INPP5A: variants seen among roughly 807,000 people sequenced by gnomAD.
The protein encoded by INPP5A is 43 kDa inositol polyphosphate 5-phophatase.
A neutral mutation model predicts 65.2 loss-of-function variants in INPP5A; 14 were observed. That is an observed-to-expected ratio of 0.21 (90% CI 0.14 to 0.34). The LOEUF (loss-of-function observed/expected upper bound fraction) is 0.34, where lower values mean the gene tolerates loss of function less well. Ranked by LOEUF, INPP5A falls within the 10% of genes least tolerant of loss-of-function variation. The pLI is 1.00. For missense variants in INPP5A, 431 were observed against 545.6 expected (o/e 0.79, Z 2.09); for synonymous variants, 207 against 208.3 (o/e 0.99, Z 0.05).
chr10:132,692,578 T>G lies in INPP5A; in HGVS notation c.370+2123T>G, dbSNP rs546595609. Among the ~76,000 whole-genome samples, 3 of 152,324 alleles carry G rather than the reference T, an allele frequency of 2.0e-5. No homozygotes were observed. The East Asian group carries it at 5.8e-4, about 29-fold the overall frequency. On this transcript the variant is annotated intron_variant, in intron 5 of 15. Transcript: ENST00000368594. ...TCCTTATAGGCGAGGTGATTCCTTATCTGTAAAGGAACAAGGATAACAATT... is the reference window on the plus strand; with the variant it reads ...TCCTTATAGGCGAGGTGATTCCTTAGCTGTAAAGGAACAAGGATAACAATT...
chr10:132,649,756 C>T (rs9663315), intron 3 of INPP5A, among the ~76,000 whole-genome samples: 8,245 of 152,236 alleles, frequency 0.054, 299 homozygotes, highest in South Asian at 0.12. Flanking sequence ...CCTCGTCCTC[C>T]GTTCATGGGC....
chr10:132,755,229 G>T (rs1008729208), intron 11 of INPP5A, among the ~76,000 whole-genome samples: 1 of 151,968 alleles, frequency 6.6e-6, no homozygotes, highest in African/African-American at 2.4e-5. Context: ...GTGTGAGCAG[G>T]CGTGTACATG....
intron 8 of INPP5A, among the ~76,000 whole-genome samples, chr10:132,714,761 C>A (rs1488825612): frequency 1.3e-5 from 2 of 152,236 alleles, no homozygotes; most frequent in Non-Finnish European, 2.9e-5. Context: ...TTAAAGTCTT[C>A]AGAAGCAGCC....
chr10:132,780,942 C>T, intron 14 of INPP5A, 25 bp downstream of exon 14: 1 of 1,592,638 alleles, frequency 6.3e-7, no homozygotes. Context: ...GGTCCAGGGG[C>T]CAGGCTGGGG....
At chr10:132,775,982 T>A (rs772423331) in intron 12 of INPP5A, among the ~76,000 whole-genome samples, 3 of 149,816 alleles carry the variant, frequency 2.0e-5, no homozygotes, top group Non-Finnish European at 3.0e-5. Flanking sequence ...AGTGGACGTG[T>A]GTGCGGATGC....
At chr10:132,554,422 G>T (rs1470419278) in intron 1 of INPP5A, among the ~76,000 whole-genome samples, 2 of 152,170 alleles carry the variant, frequency 1.3e-5, no homozygotes, top group Non-Finnish European at 2.9e-5. Context: ...GGTTCTGAGG[G>T]CTTCAGAGGA....
intron 9 of INPP5A, among the ~76,000 whole-genome samples, chr10:132,728,810 G>T (rs1003168531): frequency 2.0e-5 from 3 of 152,236 alleles, no homozygotes; most frequent in Non-Finnish European, 4.4e-5. Flanking sequence ...GGTGAGGCAC[G>T]CACTGGAGCA....
At chr10:132,567,272 C>G (rs937140554) in intron 1 of INPP5A, among the ~76,000 whole-genome samples, 1 of 152,224 alleles carries the variant, frequency 6.6e-6, no homozygotes, top group Admixed American at 6.5e-5. Context: ...ACCCAAACAA[C>G]CAAAACAAAA....
rs1023675721 is a variant in INPP5A, at chr10:132,549,452, A to G, written c.75+11281A>G. Among the ~76,000 whole-genome samples the G allele has an allele frequency of 9.2e-5, 14 of 152,216 alleles. No homozygotes were observed. The highest frequency in any genetic ancestry group is 2.0e-4 in the Admixed American group (3 of 15,286). ...AACTTGCATTTCTGGTCCTACTTCC[A>G]AATAATAATTCCCCACAAGGATGGT... is the stretch of plus-strand genomic sequence containing the variant. On this transcript the variant is annotated intron_variant, in intron 1 of 15. Transcript: ENST00000368594. The surrounding 1 kb of genome is among the most constrained non-coding windows in gnomAD (Gnocchi z 4.9).
At chr10:132,665,025 C>T (rs768828297) in intron 4 of INPP5A, among the ~76,000 whole-genome samples, 12 of 152,200 alleles carry the variant, frequency 7.9e-5, no homozygotes, top group Non-Finnish European at 4.4e-5. Context: ...TTCCTGAAGT[C>T]GTGGCCTGGC....
Position 132,780,923 on chromosome 10 carries a change from AT to A in INPP5A, c.1158+7del, listed in dbSNP as rs371748810. 107 of 1,445,076 alleles carry A rather than the reference AT, an allele frequency of 7.4e-5. No homozygotes were observed. In the African/African-American group the frequency reaches 1.5e-3, roughly 21 times the overall value. The allele number at this position is 1,445,076 out of a possible 1,614,324, so 89.5% of individuals were successfully genotyped here. ...TCTGCATGGGAGACCACAAGGTGACATAGACTGAGGTCCAGGGGCCAGGCTG... is the reference window on the plus strand; with the variant it reads ...TCTGCATGGGAGACCACAAGGTGACAAGACTGAGGTCCAGGGGCCAGGCTG... On this transcript the variant is annotated splice_region_variant and intron_variant, in intron 14 of 15. Coordinates refer to ENST00000368594, the MANE Select transcript of INPP5A (RefSeq NM_005539.5).
Position 132,698,822 on chromosome 10 carries a change from GA to G in INPP5A, c.474+904del, listed in dbSNP as rs1564970205. 6.6e-6 allele frequency among the ~76,000 whole-genome samples: 1 copy of G among 152,246 alleles called. No individual in the cohort carries two copies. The highest frequency in any genetic ancestry group is 1.5e-5 in the Non-Finnish European group (1 of 68,050). On this transcript the variant is annotated intron_variant, in intron 6 of 15. Coordinates refer to ENST00000368594, the MANE Select transcript of INPP5A (RefSeq NM_005539.5). The surrounding 1 kb of genome is among the most constrained non-coding windows in gnomAD (Gnocchi z 5.5). Reference sequence around the variant, plus strand: ...TTGCTCTGCGGTCCTGTCTCCACGAGAGCTGTGCAGGCTGAGGCTGCTACGG... The same window carrying G: ...TTGCTCTGCGGTCCTGTCTCCACGAGGCTGTGCAGGCTGAGGCTGCTACGG...
intron 8 of INPP5A, among the ~76,000 whole-genome samples, chr10:132,723,793 G>T (rs77485345): frequency 0.063 from 9,567 of 152,248 alleles, 441 homozygotes; most frequent in Non-Finnish European, 0.092. Flanking sequence ...TCCCTCGGGA[G>T]CCTCTGTGCC....
chr10:132,768,092 T>C (rs1432380146), intron 12 of INPP5A, among the ~76,000 whole-genome samples: 1 of 141,752 alleles, frequency 7.1e-6, no homozygotes, highest in African/African-American at 2.7e-5. Context: ...GAAAGATCCA[T>C]GGACCCCAAC....
rs1385335224 is a variant in INPP5A, at chr10:132,570,825, G to A, written c.75+32654G>A. On this transcript the variant is annotated intron_variant, in intron 1 of 15. Coordinates refer to ENST00000368594, the MANE Select transcript of INPP5A (RefSeq NM_005539.5). ...CTGGGCTGCCAGGACAGCAGGAGGTGGGGGTGTTCTGTGCCAGTGAGCTTC... is the reference window on the plus strand; with the variant it reads ...CTGGGCTGCCAGGACAGCAGGAGGTAGGGGTGTTCTGTGCCAGTGAGCTTC... 7.9e-5 allele frequency among the ~76,000 whole-genome samples: 12 copies of A among 152,334 alleles called. No individual in the cohort carries two copies. The East Asian group carries it at 1.4e-3, about 17-fold the overall frequency.
chr10:132,562,675 G>T (rs573584180), intron 1 of INPP5A, among the ~76,000 whole-genome samples: 1 of 152,218 alleles, frequency 6.6e-6, no homozygotes, highest in African/African-American at 2.4e-5. Flanking sequence ...AGCCCTGCTG[G>T]CTTCTCTTTC....
chr10:132,763,205 C>G (rs12782567), intron 11 of INPP5A, among the ~76,000 whole-genome samples: 24,757 of 152,206 alleles, frequency 0.16, 2,435 homozygotes, highest in Non-Finnish European at 0.22. Flanking sequence ...TCCTTTCTGA[C>G]TCTCAGCAGA....
intron 2 of INPP5A, among the ~76,000 whole-genome samples, chr10:132,628,690 G>C (rs2072226657): frequency 6.6e-6 from 1 of 152,122 alleles, no homozygotes; most frequent in Admixed American, 6.5e-5. Context: ...AACAACAATA[G>C]GCTGGTTTAA....
intron 2 of INPP5A, among the ~76,000 whole-genome samples, chr10:132,620,360 T>G (rs979322612): frequency 1.2e-4 from 19 of 152,278 alleles, no homozygotes; most frequent in African/African-American, 4.1e-4. Flanking sequence ...TTCAAACTTT[T>G]GTGCTCTGCT....
Sources: allele counts gnomAD v4.1 joint callset (sites outside exome capture counted in the v4.1 genomes callset), GRCh38; gene constraint gnomAD v4.1.1; non-coding constraint Gnocchi (gnomAD v3.1); transcripts MANE v1.5; gene names NCBI Gene and HGNC (gene_info 2026-07-23, HGNC 2026-07-21).